Variants in CDH12 observed in about 807,000 individuals in gnomAD.
The protein encoded by CDH12 is cadherin 12.
A neutral mutation model predicts 74.1 loss-of-function variants in CDH12; 41 were observed. The observed-to-expected ratio is 0.55, with a 90% CI of 0.43 to 0.72. CDH12 has a LOEUF of 0.72. CDH12 is among the 30% of genes least tolerant of loss of function. The pLI, the probability that CDH12 is intolerant of heterozygous loss-of-function variation, is 0.00. For synonymous variants in CDH12, 399 were observed against 355.0 expected, an observed-to-expected ratio of 1.12 and a Z score of -1.39; for missense variants, 945 against 977.2, an observed-to-expected ratio of 0.97 and a Z score of 0.44.
chr5:22,652,451 T>C (rs551572996), intron 1 of CDH12, among the ~76,000 whole-genome samples: 1 of 152,276 alleles, frequency 6.6e-6, no homozygotes, highest in Admixed American at 6.5e-5. Flanking sequence ...AATGACAGGG[T>C]ACTGTTTTCA....
chr5:21,917,901 T>C (rs1052333289), intron 6 of CDH12, among the ~76,000 whole-genome samples: 4 of 152,240 alleles, frequency 2.6e-5, no homozygotes, highest in Non-Finnish European at 4.4e-5. Flanking sequence ...CTTTACTGCA[T>C]ATAAATGTAT....
At chr5:22,058,014 T>TATCC (rs1364306115) in intron 5 of CDH12, among the ~76,000 whole-genome samples, 4 of 144,592 alleles carry the variant, frequency 2.8e-5, no homozygotes, top group African/African-American at 1.1e-4. Flanking sequence ...TCTATCTATC[T>TATCC]ATCTATCTAT....
chr5:21,976,307 C>T (rs930700124), intron 5 of CDH12, among the ~76,000 whole-genome samples: 48 of 151,932 alleles, frequency 3.2e-4, no homozygotes, highest in African/African-American at 1.0e-3. Context: ...CATGAATAAG[C>T]GATAAGGAAG....
intron 8 of CDH12, among the ~76,000 whole-genome samples, chr5:21,837,320 T>C (rs1749589417): frequency 6.6e-6 from 1 of 151,384 alleles, no homozygotes; most frequent in Non-Finnish European, 1.5e-5. Flanking sequence ...ATGATACAAA[T>C]GCCTATGCCA....
chr5:22,468,450 C>A (rs1745821565), intron 2 of CDH12, among the ~76,000 whole-genome samples: 1 of 152,160 alleles, frequency 6.6e-6, no homozygotes, highest in Non-Finnish European at 1.5e-5. Context: ...CCTCATTTGG[C>A]AGGTAATTCA....
At chr5:21,825,660 C>G (rs944298455) in intron 8 of CDH12, among the ~76,000 whole-genome samples, 1 of 152,180 alleles carries the variant, frequency 6.6e-6, no homozygotes, top group African/African-American at 2.4e-5. Context: ...CTGAACCCAT[C>G]ATTGTGTAGT....
intron 2 of CDH12, among the ~76,000 whole-genome samples, chr5:22,448,882 T>C (rs1044317412): frequency 6.6e-6 from 1 of 152,004 alleles, no homozygotes; most frequent in African/African-American, 2.4e-5. Context: ...AAATGCTTTA[T>C]GATTATTATT....
chr5:22,550,737 T>C (rs192183089), intron 1 of CDH12, among the ~76,000 whole-genome samples: 5 of 152,322 alleles, frequency 3.3e-5, no homozygotes, highest in South Asian at 2.1e-4. Context: ...TATCCAGTTA[T>C]AACGTTTTTC....
chr5:22,406,514 G>A (rs906285760), intron 2 of CDH12, among the ~76,000 whole-genome samples: 17 of 152,156 alleles, frequency 1.1e-4, no homozygotes, highest in African/African-American at 3.4e-4. Flanking sequence ...AGCTGATACC[G>A]TCTCTCAAAA....
At chr5:22,486,120 C>G (rs926468179) in intron 2 of CDH12, among the ~76,000 whole-genome samples, 3 of 152,124 alleles carry the variant, frequency 2.0e-5, no homozygotes, top group African/African-American at 7.2e-5. Flanking sequence ...ACTGGTTGCC[C>G]CAGCCAGAAT....
At position 21,941,898 on chromosome 5, in the gene CDH12, G is replaced by A. The variant is rs545187970; in HGVS notation, c.526+33193C>T. On this transcript the variant is annotated intron_variant, in intron 6 of 14. Coordinates refer to ENST00000382254, the MANE Select transcript of CDH12 (RefSeq NM_004061.5). ...AAGGATTTCTATTCAAGGCCACTGT[G>A]GTAGACAGAATAATGGCTTACTAAA... is the stretch of plus-strand genomic sequence containing the variant. Among the ~76,000 whole-genome samples, 830 of 152,038 alleles carry A rather than the reference G, an allele frequency of 5.5e-3. 9 individuals carry two copies. The highest frequency in any genetic ancestry group is 0.018 in the African/African-American group (765 of 41,484).
chr5:21,873,609 T>C (rs1561261453), intron 6 of CDH12, among the ~76,000 whole-genome samples: 2 of 151,530 alleles, frequency 1.3e-5, no homozygotes, highest in Non-Finnish European at 2.9e-5. Context: ...TCCTCTTTTA[T>C]GTGCTATTTT....
intron 1 of CDH12, among the ~76,000 whole-genome samples, chr5:22,646,811 A>T (rs1420026182): frequency 6.6e-6 from 1 of 151,940 alleles, no homozygotes; most frequent in Non-Finnish European, 1.5e-5. Context: ...TGCCAACTGC[A>T]TTGAGAGAAC....
chr5:21,794,104 G>T (rs11951124), intron 10 of CDH12, among the ~76,000 whole-genome samples: 96,011 of 151,032 alleles, frequency 0.64, 31,853 homozygotes, highest in Non-Finnish European at 0.74. Context: ...TTTTCAAATC[G>T]AATATAGGTA....
intron 3 of CDH12, among the ~76,000 whole-genome samples, chr5:22,230,071 TA>T (rs1158281397): frequency 1.3e-5 from 2 of 152,110 alleles, no homozygotes; most frequent in Admixed American, 6.6e-5. Context: ...TTTGGCAATT[TA>T]AAAATGTAAA....
At chr5:22,228,120 G>A (rs1393646038) in intron 3 of CDH12, among the ~76,000 whole-genome samples, 7 of 151,964 alleles carry the variant, frequency 4.6e-5, no homozygotes, top group African/African-American at 1.7e-4. Context: ...GAATATTTAT[G>A]AAGACAAAAT....
At chr5:22,064,338 G>C (rs1364987471) in intron 5 of CDH12, among the ~76,000 whole-genome samples, 47 of 152,118 alleles carry the variant, frequency 3.1e-4, no homozygotes, top group Admixed American at 3.1e-3. Flanking sequence ...TGTCTCTTTA[G>C]ATATGGATAA....
intron 1 of CDH12, among the ~76,000 whole-genome samples, chr5:22,706,730 A>G (rs749624851): frequency 1.6e-4 from 24 of 152,150 alleles, no homozygotes; most frequent in Admixed American, 2.6e-4. Context: ...ATCAATTTGC[A>G]TTACATTAAA....
chr5:22,811,415 G>C lies in CDH12; in HGVS notation c.-523+41643C>G, dbSNP rs1749143767. Among the ~76,000 whole-genome samples, 6 of 152,222 alleles carry C rather than the reference G, an allele frequency of 3.9e-5. No homozygotes were observed. The South Asian group carries it at 1.0e-3, about 26-fold the overall frequency. On this transcript the variant is annotated intron_variant, in intron 1 of 14. Coordinates refer to ENST00000382254, the MANE Select transcript of CDH12 (RefSeq NM_004061.5). ...CCCTAAGCAGATTAGACGATATTCA[G>C]TGGCGGAAGTTGCTTTGTGAGCTGA...
Sources: allele counts gnomAD v4.1 joint callset (sites outside exome capture counted in the v4.1 genomes callset), GRCh38; gene constraint gnomAD v4.1.1; transcripts MANE v1.5; gene names NCBI Gene and HGNC (gene_info 2026-07-23, HGNC 2026-07-21).